PHACTR2: variants seen among roughly 807,000 people sequenced by gnomAD.
PHACTR2 encodes chromosome 6 open reading frame 56.
PHACTR2 carries 30 observed loss-of-function variants against 76.0 expected under a neutral mutation model. The ratio of observed to expected loss-of-function variants is 0.39; its 90% CI spans 0.30 to 0.54. PHACTR2 has a LOEUF of 0.54. Among genes scored for constraint, PHACTR2 ranks in the 20% least tolerant of loss-of-function variants. The probability of loss-of-function intolerance (pLI) is 0.61; values close to 1 mark genes in which losing one functional copy is unlikely to be tolerated. For synonymous variants in PHACTR2, 292 were observed against 292.5 expected, an observed-to-expected ratio of 1.00 and a Z score of 0.02; for missense variants, 696 against 781.1, an observed-to-expected ratio of 0.89 and a Z score of 1.30.
intron 1 of PHACTR2, among the ~76,000 whole-genome samples, chr6:143,670,334 C>T (rs1308123595): frequency 6.6e-6 from 1 of 152,262 alleles, no homozygotes; most frequent in Non-Finnish European, 1.5e-5. Flanking sequence ...GGTTGCTCTT[C>T]TCGAGGAGTG....
intron 1 of PHACTR2, among the ~76,000 whole-genome samples, chr6:143,573,826 G>C (rs1246478103): frequency 6.6e-6 from 1 of 152,156 alleles, no homozygotes; most frequent in African/African-American, 2.4e-5. Context: ...CACTCTGAGG[G>C]CCTAATTTCC....
chr6:143,687,427 G>A (rs1216681666), intron 1 of PHACTR2, among the ~76,000 whole-genome samples: 1 of 152,112 alleles, frequency 6.6e-6, no homozygotes, highest in Admixed American at 6.6e-5. Flanking sequence ...CAGGTTAACT[G>A]CTAGTCTCTA....
At position 143,784,304 on chromosome 6, in the gene PHACTR2, A is replaced by T. The variant is rs1489576516; in HGVS notation, c.1707+1024A>T. Among the ~76,000 whole-genome samples, 1 of 152,218 alleles carries T rather than the reference A, an allele frequency of 6.6e-6. No individual in the cohort carries two copies. Among genetic ancestry groups the T allele is most frequent in the Admixed American group, 6.5e-5 (1 of 15,280 alleles). The stretch of plus-strand genomic sequence containing the variant: ...GACAATTGTTGCCACTTATTTATGA[A>T]TATATAAATCTGATGTTAGGGCCAT... On this transcript the variant is annotated intron_variant, in intron 10 of 12. Coordinates refer to ENST00000440869, the MANE Select transcript of PHACTR2 (RefSeq NM_001100164.2). The surrounding 1 kb of genome is among the most constrained non-coding windows in gnomAD (Gnocchi z 4.5).
rs1304556105 is a variant in PHACTR2 at position 143,821,537 on chromosome 6, T to G, written c.1923-2137T>G. ...CATGATCCAATAGCAAAGGCACATG[T>G]ATCCAAAGATTATATAATGTAAGCA... On this transcript the variant is annotated intron_variant, in intron 12 of 12. Coordinates refer to ENST00000440869, the MANE Select transcript of PHACTR2 (RefSeq NM_001100164.2). The surrounding 1 kb of genome is among the most constrained non-coding windows in gnomAD (Gnocchi z 5.2). Among the ~76,000 whole-genome samples, 1 of 152,254 alleles carries G rather than the reference T, an allele frequency of 6.6e-6. No individual in the cohort carries two copies. The highest frequency in any genetic ancestry group is 2.4e-5 in the African/African-American group (1 of 41,466).
chr6:143,774,994 G>A lies in PHACTR2; in HGVS notation c.1589+779G>A, dbSNP rs548175703. On this transcript the variant is annotated intron_variant, in intron 8 of 12. Transcript: ENST00000440869. The surrounding 1 kb of genome is among the most constrained non-coding windows in gnomAD (Gnocchi z 5.4). The stretch of plus-strand genomic sequence containing the variant: ...TTGTTCTGCTGACTTGTCTTACTCT[G>A]CATACACAACAGGGTGCATAACTGG... Among the ~76,000 whole-genome samples, 1 of 152,298 alleles carries A rather than the reference G, an allele frequency of 6.6e-6. No individual in the cohort carries two copies. The highest frequency in any genetic ancestry group is 1.9e-4 in the East Asian group (1 of 5,170).
intron 4 of PHACTR2, among the ~76,000 whole-genome samples, chr6:143,756,318 CCTAAT>C (rs753594996): frequency 3.3e-5 from 5 of 152,106 alleles, no homozygotes; most frequent in African/African-American, 4.8e-5. Context: ...GCCTCCTCTG[CCTAAT>C]ACTAGAGACT....
chr6:143,586,253 T>C (rs1008053402), intron 1 of PHACTR2, among the ~76,000 whole-genome samples: 2 of 152,032 alleles, frequency 1.3e-5, no homozygotes, highest in Non-Finnish European at 2.9e-5. Context: ...ATAGTCCTGC[T>C]GTACAGCATT....
At chr6:143,607,873 T>C (rs915871178), upstream of PHACTR2, among the ~76,000 whole-genome samples, 2 of 152,208 alleles carry the variant, frequency 1.3e-5, no homozygotes, top group African/African-American at 4.8e-5. Context: ...GGATAATGTA[T>C]TGTATTTTTA....
In PHACTR2 at chr6:143,542,707, T is replaced by C. The variant is rs148847479; in HGVS notation, c.217+5500T>C. Reference sequence around the variant, plus strand: ...CCTCTGTTTCCTTTTAGCTCTTGCCTTGTGTTTACCTGGGGAAAATTTCTT... The same window carrying C: ...CCTCTGTTTCCTTTTAGCTCTTGCCCTGTGTTTACCTGGGGAAAATTTCTT... On this transcript the variant is annotated intron_variant, in intron 1 of 11. Transcript: ENST00000367584. Among the ~76,000 whole-genome samples, 725 of 152,354 alleles carry C rather than the reference T, an allele frequency of 4.8e-3. 2 individuals carry two copies. Among genetic ancestry groups the C allele is most frequent in the Non-Finnish European group, 8.5e-3 (575 of 68,034 alleles).
In PHACTR2 at chr6:143,608,422, A is replaced by T; in HGVS notation, c.13+100A>T. 1 of 1,227,716 alleles carries T rather than the reference A, an allele frequency of 8.1e-7. No individual in the cohort carries two copies. 76.1% of individuals were successfully genotyped at this position (1,227,716 alleles called of 1,614,324 possible). On this transcript the variant is annotated intron_variant, in intron 1 of 11. Transcript: ENST00000305766. This position sits in a 1 kb window ranked among gnomAD's most constrained non-coding sequence, Gnocchi z 4.6. ...TGCCTATTTGTTGCTCTCGTTTTGC[A>T]CTTAAATGTTCAAGACTGAGACGCG...
intron 2 of PHACTR2, among the ~76,000 whole-genome samples, chr6:143,747,333 A>G (rs1324620650): frequency 3.3e-5 from 5 of 152,366 alleles, no homozygotes; most frequent in Non-Finnish European, 1.5e-5. Context: ...ATTCTGTGGC[A>G]CATGCAATTA....
intron 1 of PHACTR2, among the ~76,000 whole-genome samples, chr6:143,706,297 G>C (rs1364683572): frequency 6.6e-6 from 1 of 152,204 alleles, no homozygotes; most frequent in Non-Finnish European, 1.5e-5. Flanking sequence ...CAAGATCTGT[G>C]CGTTGGGCGT....
rs911259560 is a variant in PHACTR2 at position 143,558,520 on chromosome 6, A to G, written c.217+21313A>G. On this transcript the variant is annotated intron_variant, in intron 1 of 11. Transcript: ENST00000367584. The surrounding 1 kb of genome is among the most constrained non-coding windows in gnomAD (Gnocchi z 4.7). ...AGTGTCAGATCTGTTATGAGGATGA[A>G]ATTAACTGTTTCCATGTCCATTTTC... Among the ~76,000 whole-genome samples, 8 of 152,158 alleles carry G rather than the reference A, an allele frequency of 5.3e-5. No individual in the cohort carries two copies. The highest frequency in any genetic ancestry group is 1.9e-4 in the African/African-American group (8 of 41,448).
Position 143,809,173 on chromosome 6 carries a change from C to T in PHACTR2, c.1922+2040C>T, listed in dbSNP as rs1023821508. 6.6e-6 allele frequency among the ~76,000 whole-genome samples: 1 copy of T among 152,130 alleles called. No homozygotes were observed. Among genetic ancestry groups the T allele is most frequent in the African/African-American group, 2.4e-5 (1 of 41,424 alleles). On this transcript the variant is annotated intron_variant, in intron 12 of 12. Transcript: ENST00000440869. The surrounding 1 kb of genome is among the most constrained non-coding windows in gnomAD (Gnocchi z 4.2). ...TCATTTGATAGCATGATATAAAGAA[C>T]AAATTACAGTCAAAAGGAATCAAAT... is the stretch of plus-strand genomic sequence containing the variant.
Position 143,821,074 on chromosome 6 carries a change from TGCACGAGGCA to T in PHACTR2, c.1923-2596_1923-2587del, listed in dbSNP as rs1277720914. ...GATGCAGGGAACAATGTCCTGAGGCTGCACGAGGCAGCAGGGCCCTTGACCTGGCCCTCGA... is the reference window on the plus strand; with the variant it reads ...GATGCAGGGAACAATGTCCTGAGGCTGCAGGGCCCTTGACCTGGCCCTCGA... On this transcript the variant is annotated intron_variant, in intron 12 of 12. Transcript: ENST00000440869. This position sits in a 1 kb window ranked among gnomAD's most constrained non-coding sequence, Gnocchi z 5.2. Among the ~76,000 whole-genome samples, 1 of 152,234 alleles carries T rather than the reference TGCACGAGGCA, an allele frequency of 6.6e-6. No individual in the cohort carries two copies. Among genetic ancestry groups the T allele is most frequent in the Non-Finnish European group, 1.5e-5 (1 of 68,042 alleles).
rs1311559915 is a variant in PHACTR2 at position 143,782,253 on chromosome 6, T to C, written c.1646-966T>C. Among the ~76,000 whole-genome samples, 2 of 152,076 alleles carry C rather than the reference T, an allele frequency of 1.3e-5. No homozygotes were observed. Among genetic ancestry groups the C allele is most frequent in the African/African-American group, 4.8e-5 (2 of 41,444 alleles). On this transcript the variant is annotated intron_variant, in intron 9 of 12. Coordinates refer to ENST00000440869, the MANE Select transcript of PHACTR2 (RefSeq NM_001100164.2). This position sits in a 1 kb window ranked among gnomAD's most constrained non-coding sequence, Gnocchi z 4.6. Reference sequence around the variant, plus strand: ...AAAATAAAATAAAAATAAAAATAAATAAACAAATAGAAGAAGTTTTCCTTT... The same window carrying C: ...AAAATAAAATAAAAATAAAAATAAACAAACAAATAGAAGAAGTTTTCCTTT...
chr6:143,545,968 C>A (rs1266231059), intron 1 of PHACTR2, among the ~76,000 whole-genome samples: 1 of 152,198 alleles, frequency 6.6e-6, no homozygotes, highest in East Asian at 1.9e-4. Flanking sequence ...TTTCGGTGAT[C>A]ATTACTTAGG....
At chr6:143,564,233 A>ATATATATG (rs1554287869) in intron 1 of PHACTR2, among the ~76,000 whole-genome samples, 1 of 97,034 alleles carries the variant, frequency 1.0e-5, no homozygotes, top group African/African-American at 3.7e-5. Flanking sequence ...ATATATATAT[A>ATATATATG]TATGTATGCC....
chr6:143,771,484 T>C (rs1199567523), intron 6 of PHACTR2, among the ~76,000 whole-genome samples: 1 of 151,716 alleles, frequency 6.6e-6, no homozygotes, highest in Non-Finnish European at 1.5e-5. Flanking sequence ...TTGCCCAGGC[T>C]GGAGTGCAAT....
Sources: gnomAD v4.1 joint callset for allele counts (sites outside exome capture counted in the v4.1 genomes callset) on GRCh38, gnomAD v4.1.1 for gene constraint, Gnocchi (gnomAD v3.1) non-coding constraint, MANE v1.5 for transcripts, NCBI Gene and HGNC (gene_info 2026-07-23, HGNC 2026-07-21) for gene names.